Variants in GABPB1 observed in about 807,000 individuals in gnomAD.
GABPB1 encodes the protein GA binding protein transcription factor subunit beta 1, also known as GA-binding protein subunit beta-1.
GABPB1 carries 15 observed loss-of-function variants against 45.9 expected under a neutral mutation model. The observed-to-expected ratio is 0.33, with a 90% CI of 0.22 to 0.50. The LOEUF (loss-of-function observed/expected upper bound fraction) is 0.50, where lower values mean the gene tolerates loss of function less well. GABPB1 is among the 20% of genes least tolerant of loss of function. The pLI is 0.98. For synonymous variants in GABPB1, 143 were observed against 154.4 expected (o/e 0.93, Z 0.55); for missense variants, 252 against 457.5 (o/e 0.55, Z 4.10).
At chr15:50,343,570 G>A (rs546554072) in intron 1 of GABPB1, among the ~76,000 whole-genome samples, 16 of 151,586 alleles carry the variant, frequency 1.1e-4, no homozygotes, top group Admixed American at 4.6e-4. Context: ...ATGGAGTCTC[G>A]CTCTGTCACC....
intron 6 of GABPB1, among the ~76,000 whole-genome samples, chr15:50,297,218 C>CT (rs997091940): frequency 1.2e-3 from 49 of 40,296 alleles, no homozygotes; most frequent in South Asian, 3.6e-3. Context: ...CCCATTACTT[C>CT]TTTTTTTTTT....
At chr15:50,320,515 T>G (rs2047527434) in intron 1 of GABPB1, among the ~76,000 whole-genome samples, 2 of 152,166 alleles carry the variant, frequency 1.3e-5, no homozygotes, top group Non-Finnish European at 2.9e-5. Flanking sequence ...GTACACACAG[T>G]CTTTTTAGTG....
At chr15:50,341,172 A>G (rs1012821338) in intron 1 of GABPB1, among the ~76,000 whole-genome samples, 3 of 152,112 alleles carry the variant, frequency 2.0e-5, no homozygotes, top group African/African-American at 7.2e-5. Context: ...CAAAATGAAT[A>G]TAGATATAAT....
chr15:50,285,847 C>G (rs1465776173), intron 8 of GABPB1: 1 of 1,315,866 alleles, frequency 7.6e-7, no homozygotes, highest in African/African-American at 1.5e-5. Flanking sequence ...ATCAAGATGA[C>G]AGACTGTTAT....
chr15:50,302,641 C>A (rs1484809438), intron 4 of GABPB1, among the ~76,000 whole-genome samples: 1 of 34,402 alleles, frequency 2.9e-5, no homozygotes, highest in African/African-American at 1.0e-4. Context: ...AAGACTCTGG[C>A]TCAAAAAAAA....
chr15:50,280,646 T>A (rs1465970220), intron 8 of GABPB1, among the ~76,000 whole-genome samples: 1 of 151,826 alleles, frequency 6.6e-6, no homozygotes, highest in Non-Finnish European at 1.5e-5. Context: ...CTTGGGAAGC[T>A]GAGGCAGGAG....
In GABPB1 at chr15:50,289,505, C is replaced by T; in HGVS notation, c.861G>A (p.Val287=). The T allele has an allele frequency of 1.2e-6, 2 of 1,610,934 alleles. No individual in the cohort carries two copies. Among genetic ancestry groups the T allele is most frequent in the Non-Finnish European group, 1.7e-6 (2 of 1,178,596 alleles). ...AACCTTGTTGTCCATCTGGCATGGTCACAATGATGGGCTGACCAATTCCAC... is the reference window on the plus strand; with the variant it reads ...AACCTTGTTGTCCATCTGGCATGGTTACAATGATGGGCTGACCAATTCCAC... ...PTSGIGQPII[V]TMPDGQQVLT... The change falls in exon 7 of 9, where the codon GTG becomes GTA. Residue 287 remains valine, a synonymous_variant. Coordinates refer to ENST00000380877, the MANE Select transcript of GABPB1 (RefSeq NM_016654.5).
At chr15:50,293,437 T>C (rs1252756053) in intron 6 of GABPB1, among the ~76,000 whole-genome samples, 3 of 152,236 alleles carry the variant, frequency 2.0e-5, no homozygotes, top group Admixed American at 2.0e-4. Flanking sequence ...AGCTCTCTTG[T>C]AATTTTTGTT....
At chr15:50,339,298 A>G (rs1357278648) in intron 1 of GABPB1, among the ~76,000 whole-genome samples, 1 of 152,180 alleles carries the variant, frequency 6.6e-6, no homozygotes, top group East Asian at 1.9e-4. Flanking sequence ...AGTCTGGGCA[A>G]CAAAGTGAGA....
chr15:50,300,644 T>C lies in GABPB1; in HGVS notation c.697+145A>G, dbSNP rs1427665719. The stretch of plus-strand genomic sequence containing the variant: ...ATTTTTAGTAGAAACAGAGTTTCAC[T>C]ATGTTGTCCAGGCTGGTCTCAAACT... On this transcript the variant is annotated intron_variant, in intron 6 of 8. Coordinates refer to ENST00000380877, the MANE Select transcript of GABPB1 (RefSeq NM_016654.5). The C allele has an allele frequency of 1.8e-6, 1 of 556,510 alleles. No homozygotes were observed. The highest frequency in any genetic ancestry group is 3.2e-6 in the Non-Finnish European group (1 of 308,178). The allele number at this position is 556,510 out of a possible 1,614,324, so 34.5% of individuals were successfully genotyped here. A position where few individuals can be genotyped will look rare whatever the true frequency, so the allele number is the denominator to read the frequency against.
At chr15:50,294,728 C>T (rs183846490) in intron 6 of GABPB1, among the ~76,000 whole-genome samples, 271 of 152,196 alleles carry the variant, frequency 1.8e-3, no homozygotes, top group African/African-American at 6.3e-3. Context: ...ATGTGCAAAA[C>T]AGACCTGGTT....
chr15:50,329,054 G>A (rs541132317), intron 1 of GABPB1, among the ~76,000 whole-genome samples: 2 of 152,242 alleles, frequency 1.3e-5, no homozygotes, highest in East Asian at 3.9e-4. Context: ...GAGCCTTTTC[G>A]ATTTGGCTTT....
At chr15:50,347,190 G>A (rs993193599) in intron 1 of GABPB1, among the ~76,000 whole-genome samples, 4 of 152,048 alleles carry the variant, frequency 2.6e-5, no homozygotes, top group Admixed American at 6.6e-5. Flanking sequence ...TCATCTTGGA[G>A]GTTAAGATTT....
In GABPB1 at chr15:50,306,645, AT is replaced by A. The variant is rs971763608; in HGVS notation, c.109-2513del. Among the ~76,000 whole-genome samples the A allele has an allele frequency of 3.4e-4, 52 of 151,310 alleles. No homozygotes were observed. In the East Asian group the frequency reaches 8.6e-3, roughly 25 times the overall value. ...CTGTCTCAAAAAAAAAAAAAAAAAAATCTTCCCACATGCCACTCCCTGATCA... is the reference window on the plus strand; with the variant it reads ...CTGTCTCAAAAAAAAAAAAAAAAAAACTTCCCACATGCCACTCCCTGATCA... On this transcript the variant is annotated intron_variant, in intron 2 of 8. Transcript: ENST00000380877.
At chr15:50,301,709 G>T (rs942343599) in intron 4 of GABPB1, among the ~76,000 whole-genome samples, 1 of 152,024 alleles carries the variant, frequency 6.6e-6, no homozygotes, top group East Asian at 1.9e-4. Flanking sequence ...AGAAGGAGTG[G>T]TTAAGCCCAG....
chr15:50,344,731 A>G (rs772275329), intron 1 of GABPB1, among the ~76,000 whole-genome samples: 12 of 152,074 alleles, frequency 7.9e-5, no homozygotes, highest in Non-Finnish European at 1.6e-4. Context: ...CCAGCTACTC[A>G]GGAGGCTGAG....
intron 7 of GABPB1, among the ~76,000 whole-genome samples, chr15:50,288,298 A>C (rs1223861615): frequency 1.3e-5 from 2 of 152,154 alleles, no homozygotes; most frequent in Non-Finnish European, 2.9e-5. Context: ...TCAAGCAATC[A>C]TCCCACCTTA....
intron 1 of GABPB1, among the ~76,000 whole-genome samples, chr15:50,348,624 G>A (rs1456295720): frequency 6.6e-6 from 1 of 151,662 alleles, no homozygotes; most frequent in African/African-American, 2.4e-5. Context: ...TGCACTTTGG[G>A]AGGCCGAGGC....
chr15:50,303,224 ATGTAGT>A (rs2046820025), intron 3 of GABPB1, 101 bp from the exon 4 acceptor site: 1 of 887,406 alleles, frequency 1.1e-6, no homozygotes, highest in Admixed American at 2.6e-5. Flanking sequence ...AGAACAAATA[ATGTAGT>A]CAATTATTTA....
Sources: allele counts gnomAD v4.1 joint callset (sites outside exome capture counted in the v4.1 genomes callset), GRCh38; gene constraint gnomAD v4.1.1; transcripts MANE v1.5; gene names NCBI Gene and HGNC (gene_info 2026-07-23, HGNC 2026-07-21).